The following ATRNL1 variants were observed in gnomAD, a reference collection of about 807,000 sequenced individuals.
The protein encoded by ATRNL1 is attractin like 1.
In ATRNL1, 95 loss-of-function variants were observed where a neutral mutation model predicts 182.7. The observed-to-expected ratio is 0.52, with a 90% CI of 0.44 to 0.62. ATRNL1 has a LOEUF of 0.62. Among genes scored for constraint, ATRNL1 ranks in the 20% least tolerant of loss-of-function variants. The probability of loss-of-function intolerance (pLI) is 0.00; values close to 1 mark genes in which losing one functional copy is unlikely to be tolerated. For synonymous variants in ATRNL1, 576 were observed against 568.3 expected (o/e 1.01, Z -0.19); for missense variants, 1,471 against 1,679.5 (o/e 0.88, Z 2.17).
At chr10:115,437,870 A>G (rs978871037) in intron 21 of ATRNL1, among the ~76,000 whole-genome samples, 1 of 151,990 alleles carries the variant, frequency 6.6e-6, no homozygotes, top group Non-Finnish European at 1.5e-5. Flanking sequence ...TCACACAATT[A>G]CATTTAATTC....
chr10:115,777,180 C>T (rs1949148053), intron 27 of ATRNL1, among the ~76,000 whole-genome samples: 1 of 152,022 alleles, frequency 6.6e-6, no homozygotes, highest in East Asian at 1.9e-4. Context: ...TACAATTTTA[C>T]TTTTTTGCAT....
At chr10:115,749,808 G>T in intron 27 of ATRNL1, among the ~76,000 whole-genome samples, 1 of 151,858 alleles carries the variant, frequency 6.6e-6, no homozygotes, top group East Asian at 1.9e-4. Context: ...TAAATTTGAA[G>T]CCAGAATTTC....
intron 3 of ATRNL1, 130 bp from the exon 4 acceptor site, chr10:115,127,463 C>T: frequency 3.2e-6 from 2 of 626,804 alleles, no homozygotes; most frequent in Non-Finnish European, 2.5e-6. Context: ...TAGATGTATT[C>T]TCCTTTTAGT....
intron 19 of ATRNL1, among the ~76,000 whole-genome samples, chr10:115,369,663 A>G (rs1363765025): frequency 6.6e-6 from 1 of 152,108 alleles, no homozygotes; most frequent in Non-Finnish European, 1.5e-5. Flanking sequence ...ACATTCCATA[A>G]TGGCCTTATT....
At chr10:115,233,630 C>T (rs1411783470) in intron 9 of ATRNL1, among the ~76,000 whole-genome samples, 1 of 152,040 alleles carries the variant, frequency 6.6e-6, no homozygotes, top group Non-Finnish European at 1.5e-5. Context: ...AGTATTTCTT[C>T]ACTAAGAATG....
chr10:115,220,285 A>G lies in ATRNL1; in HGVS notation c.1532+4405A>G, dbSNP rs1592277656. The G allele has an allele frequency of 3.9e-5, 6 of 152,204 alleles. 1 individual carries two copies. Among genetic ancestry groups the G allele is most frequent in the Admixed American group, 3.9e-4 (6 of 15,282 alleles). The allele number at this position is 152,204 out of a possible 1,614,324, so 9.4% of individuals were successfully genotyped here. On this transcript the variant is annotated intron_variant, in intron 9 of 28. Transcript: ENST00000355044. ...GATGCTCTTAGTACAGACCCATTTG[A>G]TGAAGTGGTGGCTTTCAATAATTGC... is the stretch of plus-strand genomic sequence containing the variant.
intron 26 of ATRNL1, among the ~76,000 whole-genome samples, chr10:115,565,423 T>A (rs1378412845): frequency 6.6e-6 from 1 of 152,120 alleles, no homozygotes; most frequent in Non-Finnish European, 1.5e-5. Context: ...TGTGTGTAAC[T>A]GCTTTTTATG....
intron 5 of ATRNL1, among the ~76,000 whole-genome samples, chr10:115,139,901 T>A (rs143271500): frequency 1.1e-4 from 16 of 152,286 alleles, no homozygotes; most frequent in African/African-American, 3.9e-4. Flanking sequence ...AAAAGGATAT[T>A]GAGTAGCTCA....
At chr10:115,931,088 G>A (rs1953380752) in intron 28 of ATRNL1, among the ~76,000 whole-genome samples, 1 of 152,174 alleles carries the variant, frequency 6.6e-6, no homozygotes, top group South Asian at 2.1e-4. Context: ...AAGGGAGCGG[G>A]AAGGGGTGAA....
chr10:115,172,772 A>G (rs1479867766), intron 8 of ATRNL1, among the ~76,000 whole-genome samples: 1 of 150,650 alleles, frequency 6.6e-6, no homozygotes, highest in African/African-American at 2.4e-5. Flanking sequence ...TTTTTAATCC[A>G]TACTTCTAGC....
chr10:115,495,924 G>A (rs1554978106), intron 24 of ATRNL1, among the ~76,000 whole-genome samples: 1 of 152,080 alleles, frequency 6.6e-6, no homozygotes, highest in African/African-American at 2.4e-5. Context: ...TTGGGATGTT[G>A]ACATCACCCA....
At chr10:115,281,253 A>C (rs1852346495) in intron 13 of ATRNL1, 102 bp from the exon 14 acceptor site, 1 of 917,068 alleles carries the variant, frequency 1.1e-6, no homozygotes, top group Admixed American at 3.2e-5. Flanking sequence ...TGGAGTTAGA[A>C]ATGTTTATTT....
chr10:115,456,655 A>T (rs1178287154), intron 21 of ATRNL1, among the ~76,000 whole-genome samples: 4 of 152,122 alleles, frequency 2.6e-5, no homozygotes, highest in African/African-American at 9.7e-5. Context: ...AAATTTTTGA[A>T]TAGTAATATA....
chr10:115,257,004 T>C (rs986263921), intron 10 of ATRNL1, among the ~76,000 whole-genome samples: 114 of 152,326 alleles, frequency 7.5e-4, no homozygotes, highest in African/African-American at 2.6e-3. Context: ...ACAGTTTTTT[T>C]GTGATTTCTG....
intron 19 of ATRNL1, among the ~76,000 whole-genome samples, chr10:115,381,801 A>AT (rs2134234292): frequency 6.6e-6 from 1 of 151,848 alleles, no homozygotes. Context: ...TTATTCATAC[A>AT]TTTTTCTGGA....
At chr10:115,713,912 T>A (rs1241461950) in intron 26 of ATRNL1, among the ~76,000 whole-genome samples, 2 of 152,192 alleles carry the variant, frequency 1.3e-5, no homozygotes, top group Non-Finnish European at 2.9e-5. Context: ...AAAATTCAAG[T>A]TCCGTAAATT....
chr10:115,415,156 T>C (rs1845328625), intron 20 of ATRNL1, among the ~76,000 whole-genome samples: 1 of 152,032 alleles, frequency 6.6e-6, no homozygotes, highest in African/African-American at 2.4e-5. Context: ...CTATTCCTAC[T>C]AGCCCACATG....
chr10:115,911,736 A>G (rs1388241257), intron 28 of ATRNL1, among the ~76,000 whole-genome samples: 1 of 152,126 alleles, frequency 6.6e-6, no homozygotes, highest in Non-Finnish European at 1.5e-5. Flanking sequence ...TCATCCATCT[A>G]TTCATCCTCC....
intron 24 of ATRNL1, among the ~76,000 whole-genome samples, chr10:115,470,503 T>C (rs1554971903): frequency 6.6e-6 from 1 of 150,644 alleles, no homozygotes; most frequent in Non-Finnish European, 1.5e-5. Flanking sequence ...ATTTATTCAA[T>C]TATGATTGAA....
Sources: allele counts gnomAD v4.1 joint callset (sites outside exome capture counted in the v4.1 genomes callset), GRCh38; gene constraint gnomAD v4.1.1; transcripts MANE v1.5; gene names NCBI Gene and HGNC (gene_info 2026-07-23, HGNC 2026-07-21).